Variants in KATNAL2 observed in about 807,000 individuals in gnomAD.
KATNAL2 encodes katanin catalytic subunit A1 like 2.
Under a neutral mutation model 76.3 loss-of-function variants are expected in KATNAL2, and 52 were observed. The observed-to-expected ratio is 0.68, with a 90% CI of 0.55 to 0.86. The LOEUF (loss-of-function observed/expected upper bound fraction) is 0.86, where lower values mean the gene tolerates loss of function less well. Among genes scored for constraint, KATNAL2 ranks in the 40% least tolerant of loss-of-function variants. KATNAL2 has a pLI of 0.00. For missense variants in KATNAL2, 660 were observed against 668.9 expected (o/e 0.99, Z 0.15); for synonymous variants, 243 against 244.2 (o/e 1.00, Z 0.05).
intron 17 of KATNAL2, 114 bp from the exon 18 acceptor site, chr18:47,100,752 C>A: frequency 1.6e-6 from 2 of 1,282,296 alleles, no homozygotes; most frequent in Non-Finnish European, 2.2e-6. Context: ...GCTGCATTAA[C>A]AATTAAGAAT....
intron 3 of KATNAL2, 99 bp downstream of exon 3, chr18:46,947,022 C>A: frequency 1.1e-6 from 1 of 875,130 alleles, no homozygotes; most frequent in South Asian, 1.4e-5. Context: ...GCGACAGAGT[C>A]CGCTACTAGA....
intron 15 of KATNAL2, among the ~76,000 whole-genome samples, chr18:47,097,458 T>C (rs1227870352): frequency 6.6e-6 from 1 of 152,150 alleles, no homozygotes; most frequent in African/African-American, 2.4e-5. Context: ...CCAAAAAATA[T>C]TTACCCTAAA....
At chr18:47,063,407 G>A in intron 10 of KATNAL2, 46 bp downstream of exon 10, 1 of 1,434,354 alleles carries the variant, frequency 7.0e-7, no homozygotes, top group Non-Finnish European at 9.8e-7. Context: ...GCAGGCTGGG[G>A]CTTCTGGAGC....
chr18:47,054,800 A>G (rs1189410568), intron 6 of KATNAL2, among the ~76,000 whole-genome samples: 1 of 152,238 alleles, frequency 6.6e-6, no homozygotes, highest in East Asian at 1.9e-4. Context: ...CACAGTGAGC[A>G]CCCAAGATAT....
At chr18:47,033,084 G>A in intron 3 of KATNAL2, 1 of 1,614,138 alleles carries the variant, frequency 6.2e-7, no homozygotes, top group Non-Finnish European at 8.5e-7. Flanking sequence ...CCTGTTTCCG[G>A]GTTTTGGCCG....
intron 3 of KATNAL2, among the ~76,000 whole-genome samples, chr18:47,044,968 T>A (rs750638151): frequency 6.6e-6 from 1 of 151,890 alleles, no homozygotes; most frequent in Non-Finnish European, 1.5e-5. Context: ...GGTGGTAGTG[T>A]GCACCTGTAG....
intron 3 of KATNAL2, among the ~76,000 whole-genome samples, chr18:46,951,964 G>T (rs2059570323): frequency 1.3e-5 from 2 of 151,960 alleles, no homozygotes; most frequent in South Asian, 4.2e-4. Flanking sequence ...GTAGACATGG[G>T]GTTTCACCAC....
intron 10 of KATNAL2, among the ~76,000 whole-genome samples, chr18:47,065,514 AC>A (rs1023868339): frequency 6.6e-6 from 1 of 151,694 alleles, no homozygotes; most frequent in Non-Finnish European, 1.5e-5. Context: ...ATTTCTAGAG[AC>A]CCCATTAGCT....
At chr18:47,031,796 G>A (rs969392769) in intron 3 of KATNAL2, among the ~76,000 whole-genome samples, 4 of 152,060 alleles carry the variant, frequency 2.6e-5, no homozygotes, top group African/African-American at 4.8e-5. Flanking sequence ...GTTTTATATG[G>A]TTACTGGCAG....
In KATNAL2 at chr18:47,034,900, G is replaced by T. The variant is rs752530250; in HGVS notation, c.52-11557G>T. 6 of 1,611,936 alleles carry T rather than the reference G, an allele frequency of 3.7e-6. No individual in the cohort carries two copies. In the African/African-American group the frequency reaches 8.0e-5, roughly 22 times the overall value. On this transcript the variant is annotated intron_variant, in intron 3 of 17. Transcript: ENST00000683218. ...CCGTCTGTGCTCAGGGCTGTGAGAT[G>T]GGCTCCTGGGGGCCGTCGCGTTTTC...
intron 1 of KATNAL2, among the ~76,000 whole-genome samples, chr18:46,944,518 T>C (rs2059332225): frequency 6.6e-6 from 1 of 152,008 alleles, no homozygotes; most frequent in Non-Finnish European, 1.5e-5. Context: ...GTGGATCACT[T>C]GAGGTCAGGA....
chr18:47,032,625 T>A, intron 3 of KATNAL2: 1 of 304,588 alleles, frequency 3.3e-6, no homozygotes, highest in Non-Finnish European at 6.1e-6. Flanking sequence ...TAATGGCTTG[T>A]GTGTTTTTGT....
chr18:46,961,097 A>G (rs1009867228), intron 3 of KATNAL2, among the ~76,000 whole-genome samples: 1 of 152,264 alleles, frequency 6.6e-6, no homozygotes, highest in African/African-American at 2.4e-5. Flanking sequence ...GCTTCCTCAT[A>G]CAATGTCTGG....
chr18:46,946,351 A>G lies in KATNAL2; in HGVS notation c.-215A>G, dbSNP rs532984631. ...TTTGCATCCCAGAAGGCTCTTGACA[A>G]CCAAAGTGTCCACAGCAGATTCGTC... On this transcript the variant is annotated 5_prime_UTR_variant, in exon 2 of 18. Coordinates refer to ENST00000683218, the MANE Select transcript of KATNAL2 (RefSeq NM_001387690.1). The G allele has an allele frequency of 1.8e-5, 19 of 1,027,982 alleles. No homozygotes were observed. The highest frequency in any genetic ancestry group is 2.7e-4 in the Middle Eastern group (1 of 3,680). The allele number at this position is 1,027,982 out of a possible 1,614,324, so 63.7% of individuals were successfully genotyped here. A position where few individuals can be genotyped will look rare whatever the true frequency, so the allele number is the denominator to read the frequency against.
At chr18:47,084,303 A>G in intron 15 of KATNAL2, 1 of 702,504 alleles carries the variant, frequency 1.4e-6, no homozygotes, top group Non-Finnish European at 2.6e-6. Context: ...TGGAGGGATA[A>G]GCAGATGTAA....
chr18:46,949,142 C>T (rs1024411697), intron 3 of KATNAL2, among the ~76,000 whole-genome samples: 2 of 152,152 alleles, frequency 1.3e-5, no homozygotes, highest in Admixed American at 1.3e-4. Context: ...AAGTGATCCT[C>T]CCACCTCGGC....
At chr18:47,033,147 A>G (rs1183019088) in intron 3 of KATNAL2, 1 of 1,614,014 alleles carries the variant, frequency 6.2e-7, no homozygotes, top group Non-Finnish European at 8.5e-7. Flanking sequence ...CCCGCTTCTC[A>G]GGGAGCCAGC....
intron 15 of KATNAL2, among the ~76,000 whole-genome samples, chr18:47,088,246 G>A (rs1310955501): frequency 6.6e-6 from 1 of 152,200 alleles, no homozygotes; most frequent in African/African-American, 2.4e-5. Context: ...TAGATGGGAA[G>A]TAAAGAGAAA....
chr18:47,054,317 G>C, intron 5 of KATNAL2, 79 bp from the exon 6 acceptor site: 2 of 1,261,330 alleles, frequency 1.6e-6, no homozygotes, highest in Non-Finnish European at 2.3e-6. Flanking sequence ...AATGCAAAAA[G>C]GGGAAACATA....
Sources: allele counts gnomAD v4.1 joint callset (sites outside exome capture counted in the v4.1 genomes callset), GRCh38; gene constraint gnomAD v4.1.1; transcripts MANE v1.5; gene names NCBI Gene and HGNC (gene_info 2026-07-23, HGNC 2026-07-21).